The following OXSR1 variants were observed in gnomAD, a reference collection of about 807,000 sequenced individuals.
OXSR1 encodes the protein serine/threonine-protein kinase OSR1.
A neutral mutation model predicts 79.8 loss-of-function variants in OXSR1; 24 were observed. The ratio of observed to expected loss-of-function variants is 0.30; its 90% CI spans 0.22 to 0.42. OXSR1 has a LOEUF of 0.42. OXSR1 is among the 10% of genes least tolerant of loss of function. OXSR1 has a pLI of 1.00. For missense variants in OXSR1, 430 were observed against 618.4 expected (o/e 0.70, Z 3.23); for synonymous variants, 226 against 209.2 (o/e 1.08, Z -0.69).
Position 38,165,914 on chromosome 3 carries a change from A to G in OXSR1, c.38A>G (p.Asn13Ser), listed in dbSNP as rs774248337. 72 of 1,611,578 alleles carry G rather than the reference A, an allele frequency of 4.5e-5. No homozygotes were observed. The highest frequency in any genetic ancestry group is 1.8e-4 in the Middle Eastern group (1 of 5,570). The change falls in exon 1 of 18, where the codon AAC becomes AGC. Residue 13 changes from asparagine to serine, a missense_variant. Asn to Ser is a conservative substitution (Grantham distance 46, BLOSUM62 1). Coordinates refer to ENST00000311806, the MANE Select transcript of OXSR1 (RefSeq NM_005109.3). ...EDSSALPWSI[N>S]RDDYELQEVI... is the part of the protein sequence containing the mutation. ...TCGAGCGCCCTGCCCTGGTCCATCAACAGGGACGATTACGAGCTGCAGGAG... is the reference window on the plus strand; with the variant it reads ...TCGAGCGCCCTGCCCTGGTCCATCAGCAGGGACGATTACGAGCTGCAGGAG...
rs1381250819 is a variant in OXSR1 at position 38,253,379 on chromosome 3, C to T, written c.*488C>T. 2 of 155,306 alleles carry T rather than the reference C, an allele frequency of 1.3e-5. No homozygotes were observed. Among genetic ancestry groups the T allele is most frequent in the Non-Finnish European group, 2.9e-5 (2 of 69,824 alleles). The allele number at this position is 155,306 out of a possible 1,614,324, so 9.6% of individuals were successfully genotyped here. A position where few individuals can be genotyped will look rare whatever the true frequency, so the allele number is the denominator to read the frequency against. ...TTAATTTAATGTTTTTTCTTTGTAC[C>T]TGATGTGAATTCTAGCAACCTTTGT... On this transcript the variant is annotated 3_prime_UTR_variant, in exon 18 of 18. Coordinates refer to ENST00000311806, the MANE Select transcript of OXSR1 (RefSeq NM_005109.3).
In OXSR1 at chr3:38,249,972, C is replaced by T. The variant is rs375603924; in HGVS notation, c.1329C>T (p.Ser443=). ...PISLVLRLRN[S]KKELNDIRFE... ...ATTCTGCTTTCTTTCATAGGAATTC[C>T]AAAAAAGAACTAAATGATATTCGAT... Residue 443 remains serine, a synonymous_variant, in exon 15 of 18, where the codon TCC becomes TCT. Coordinates refer to ENST00000311806, the MANE Select transcript of OXSR1 (RefSeq NM_005109.3). 3.2e-6 allele frequency: 5 copies of T among 1,578,564 alleles called. No individual in the cohort carries two copies. The highest frequency in any genetic ancestry group is 1.7e-5 in the Admixed American group (1 of 58,272).
At chr3:38,165,969 G>A in intron 1 of OXSR1, 23 bp downstream of exon 1, 1 of 1,600,866 alleles carries the variant, frequency 6.2e-7, no homozygotes, top group Non-Finnish European at 8.5e-7. Flanking sequence ...GCTGCGGAGG[G>A]GGGAGGCGCG....
At chr3:38,193,911 A>C (rs1702028510) in intron 3 of OXSR1, among the ~76,000 whole-genome samples, 1 of 152,116 alleles carries the variant, frequency 6.6e-6, no homozygotes, top group East Asian at 1.9e-4. Context: ...AAAATTTTGC[A>C]TTTTTTTAGG....
Position 38,252,866 on chromosome 3 carries a change from G to A in OXSR1, c.1559G>A (p.Gly520Glu), listed in dbSNP as rs971239388. The A allele has an allele frequency of 6.2e-7, 1 of 1,613,738 alleles. No homozygotes were observed. ...ATTCCTGATGATGGTAAACTGATAG[G>A]ATTTGCCCAGCTCAGCATCAGCTAA... ...SDIPDDGKLI[G>E]FAQLSIS Residue 520 changes from glycine to glutamate, a missense_variant, in exon 18 of 18, where the codon GGA becomes GAA. By Grantham distance (98) the Gly-to-Glu change is moderately conservative. Coordinates refer to ENST00000311806, the MANE Select transcript of OXSR1 (RefSeq NM_005109.3).
chr3:38,179,009 C>T (rs752846332), intron 1 of OXSR1, among the ~76,000 whole-genome samples: 49 of 147,770 alleles, frequency 3.3e-4, no homozygotes, highest in Admixed American at 9.5e-4. Context: ...GGACTACAGA[C>T]GTGCACCACC....
At chr3:38,197,058 A>C (rs911860698) in intron 3 of OXSR1, among the ~76,000 whole-genome samples, 3 of 152,230 alleles carry the variant, frequency 2.0e-5, no homozygotes, top group Non-Finnish European at 4.4e-5. Context: ...GAACGGTGAA[A>C]CATGTGGCCC....
At chr3:38,245,988 A>G in intron 12 of OXSR1, 87 bp from the exon 13 acceptor site, 2 of 1,188,822 alleles carry the variant, frequency 1.7e-6, no homozygotes, top group South Asian at 1.3e-5. Flanking sequence ...CTTTGAAAAT[A>G]TCACCCTGAA....
At chr3:38,208,867 A>C (rs934946770) in intron 4 of OXSR1, among the ~76,000 whole-genome samples, 3 of 152,276 alleles carry the variant, frequency 2.0e-5, no homozygotes, top group East Asian at 1.9e-4. Flanking sequence ...GCGTCACTGC[A>C]CTCCAGCCTG....
intron 4 of OXSR1, among the ~76,000 whole-genome samples, chr3:38,204,647 G>A (rs529230656): frequency 2.0e-5 from 3 of 151,896 alleles, no homozygotes; most frequent in African/African-American, 2.4e-5. Context: ...GCTAGACTCC[G>A]CCTGGTACCC....
At chr3:38,211,038 CT>C (rs1702376169) in intron 4 of OXSR1, among the ~76,000 whole-genome samples, 2 of 152,164 alleles carry the variant, frequency 1.3e-5, no homozygotes, top group African/African-American at 4.8e-5. Context: ...GCCAAATAAA[CT>C]TTCATGGGAC....
chr3:38,212,184 C>T (rs549360821), intron 4 of OXSR1, among the ~76,000 whole-genome samples: 57 of 152,266 alleles, frequency 3.7e-4, no homozygotes, highest in African/African-American at 1.3e-3. Context: ...TAGCAGTAAC[C>T]AGCTCTGTAA....
rs1302847738 is a variant in OXSR1, at chr3:38,165,935, A to G, written c.59A>G (p.Gln20Arg). The change falls in exon 1 of 18, where the codon CAG (glutamine) becomes CGG (arginine). Residue 20 changes from glutamine (Q) to arginine (R), a missense_variant. By Grantham distance (43) the Gln-to-Arg change is conservative. Transcript: ENST00000311806. ...ATCAACAGGGACGATTACGAGCTGC[A>G]GGAGGTGATCGGTGAGAGCAGGCGC... ...WSINRDDYEL[Q>R]EVIGSGATAV... 1.9e-6 allele frequency: 3 copies of G among 1,611,078 alleles called. No homozygotes were observed. Among genetic ancestry groups the G allele is most frequent in the Non-Finnish European group, 2.5e-6 (3 of 1,179,420 alleles).
rs777470323 is a variant in OXSR1, at chr3:38,198,861, C to G, written c.432C>G (p.His144Gln). 6.2e-7 allele frequency: 1 copy of G among 1,612,564 alleles called. No homozygotes were observed. The highest frequency in any genetic ancestry group is 8.5e-7 in the Non-Finnish European group (1 of 1,179,096). ...ATCTGCATAAAAATGGACAGATCCA[C>G]AGGTATGTAAAAGACAATACTCTTG... ...LEYLHKNGQI[H>Q]RDVKAGNILL... The change falls in exon 4 of 18, where the codon CAC (histidine) becomes CAG (glutamine). Residue 144 changes from histidine (H) to glutamine (Q), a missense_variant and splice_region_variant. Around this residue, in one of 3 missense-constraint regions of OXSR1, gnomAD observed 145 missense variants for 228.3 expected, o/e 0.64. Coordinates refer to ENST00000311806, the MANE Select transcript of OXSR1 (RefSeq NM_005109.3).
At chr3:38,186,013 A>G (rs1701879387) in intron 2 of OXSR1, among the ~76,000 whole-genome samples, 1 of 149,100 alleles carries the variant, frequency 6.7e-6, no homozygotes, top group African/African-American at 2.5e-5. Flanking sequence ...AGAGCTTCTA[A>G]TTGTGAAAAT....
intron 4 of OXSR1, among the ~76,000 whole-genome samples, chr3:38,215,011 A>G (rs1702455228): frequency 6.6e-6 from 1 of 151,884 alleles, no homozygotes; most frequent in East Asian, 1.9e-4. Context: ...TGCTTATTTG[A>G]TTATATTTAC....
intron 14 of OXSR1, among the ~76,000 whole-genome samples, chr3:38,248,889 G>A (rs1402824278): frequency 6.6e-6 from 1 of 152,144 alleles, no homozygotes; most frequent in Non-Finnish European, 1.5e-5. Flanking sequence ...CTTCGGTACT[G>A]TGGAAAGGTG....
At chr3:38,234,094 T>C (rs1266590963) in intron 10 of OXSR1, among the ~76,000 whole-genome samples, 1 of 152,132 alleles carries the variant, frequency 6.6e-6, no homozygotes, top group African/African-American at 2.4e-5. Flanking sequence ...CTACAAAAAA[T>C]TAACTCAAAA....
chr3:38,231,042 G>C (rs1702796145), intron 10 of OXSR1, among the ~76,000 whole-genome samples: 1 of 152,142 alleles, frequency 6.6e-6, no homozygotes, highest in Admixed American at 6.5e-5. Flanking sequence ...GCTGATGATA[G>C]ACTTGAAGAA....
Sources: allele counts gnomAD v4.1 joint callset (sites outside exome capture counted in the v4.1 genomes callset), GRCh38; gene constraint gnomAD v4.1.1; regional missense constraint gnomAD v4.1.1; transcripts MANE v1.5; gene names NCBI Gene and HGNC (gene_info 2026-07-23, HGNC 2026-07-21).